Variants in OTOGL observed in about 807,000 individuals in gnomAD.
OTOGL encodes the protein otogelin-like protein.
OTOGL carries 285 observed loss-of-function variants against 318.5 expected under a neutral mutation model. The ratio of observed to expected loss-of-function variants is 0.89; its 90% CI spans 0.81 to 0.99. The LOEUF is 0.99. Among genes scored for constraint, OTOGL ranks in the 50% least tolerant of loss-of-function variants. The pLI is 0.00. For synonymous variants in OTOGL, 987 were observed against 936.5 expected, an observed-to-expected ratio of 1.05 and a Z score of -0.99; for missense variants, 2,899 against 2,845.6, an observed-to-expected ratio of 1.02 and a Z score of -0.43.
Position 80,255,166 on chromosome 12 carries a change from A to G in OTOGL, c.1568A>G (p.Gln523Arg). ...TGKDKFTITL[Q>R]KAPCEQNLGL... ...AAAGATAAATTCACGATTACTTTAC[A>G]GAAAGCTCCCTGTGAGCAGGTAAGA... The change falls in exon 16 of 59, where the codon CAG becomes CGG. Residue 523 changes from glutamine to arginine, a missense_variant. By Grantham distance (43) the Gln-to-Arg change is conservative (BLOSUM62 1). Transcript: ENST00000547103. 6.6e-7 allele frequency: 1 copy of G among 1,517,360 alleles called. No individual in the cohort carries two copies. Among genetic ancestry groups the G allele is most frequent in the Non-Finnish European group, 8.8e-7 (1 of 1,137,984 alleles). 94.0% of individuals were successfully genotyped at this position (1,517,360 alleles called of 1,614,324 possible). A position where few individuals can be genotyped will look rare whatever the true frequency, so the allele number is the denominator to read the frequency against.
chr12:80,280,230 C>A (rs545027722), intron 26 of OTOGL, among the ~76,000 whole-genome samples: 76 of 151,704 alleles, frequency 5.0e-4, no homozygotes, highest in African/African-American at 1.8e-3. Context: ...CAAATATTTT[C>A]TCCCATTCTG....
chr12:80,358,710 G>T lies in OTOGL; in HGVS notation c.6161G>T (p.Cys2054Phe), dbSNP rs962629988. 2 of 1,613,162 alleles carry T rather than the reference G, an allele frequency of 1.2e-6. No homozygotes were observed. Among genetic ancestry groups the T allele is most frequent in the Non-Finnish European group, 1.7e-6 (2 of 1,179,428 alleles). The change falls in exon 51 of 59, where the codon TGT becomes TTT. Residue 2054 changes from cysteine (C) to phenylalanine (F), a missense_variant. Physicochemically the swap from Cys to Phe is radical, Grantham distance 205. Around this residue, in one of 3 missense-constraint regions of OTOGL, gnomAD observed 2,607 missense variants for 2,524.9 expected, o/e 1.03. Coordinates refer to ENST00000547103, the MANE Select transcript of OTOGL (RefSeq NM_001378609.3). ...CTTTGTCCTATGCCATTACTCAACT[G>T]TGCAGAAGATATGAATCTTGTGAAA... is the stretch of plus-strand genomic sequence containing the variant. The part of the protein sequence containing the change: ...PNLCPMPLLN[C>F]AEDMNLVKEN...
At chr12:80,179,267 C>T (rs780455145) in intron 1 of OTOGL, among the ~76,000 whole-genome samples, 71 of 152,112 alleles carry the variant, frequency 4.7e-4, no homozygotes, top group Non-Finnish European at 9.3e-4. Context: ...AGCAGACAAA[C>T]ATTAGAAATA....
chr12:80,371,372 T>A (rs1183164927), intron 56 of OTOGL, among the ~76,000 whole-genome samples: 1 of 152,096 alleles, frequency 6.6e-6, no homozygotes, highest in African/African-American at 2.4e-5. Context: ...TTTTCAATGA[T>A]GACGGCTGGC....
At chr12:80,153,136 A>G (rs937683094) in intron 1 of OTOGL, among the ~76,000 whole-genome samples, 1 of 152,236 alleles carries the variant, frequency 6.6e-6, no homozygotes, top group African/African-American at 2.4e-5. Flanking sequence ...GCAAAGTCCT[A>G]TAGTACGGCC....
At chr12:80,289,983 A>G (rs534546636) in intron 26 of OTOGL, among the ~76,000 whole-genome samples, 4 of 152,248 alleles carry the variant, frequency 2.6e-5, no homozygotes, top group South Asian at 2.1e-4. Flanking sequence ...AGTCTGCCCA[A>G]ACAGCTGCCC....
chr12:80,162,825 T>C lies in OTOGL; in HGVS notation c.-19-46588T>C, dbSNP rs1050767197. ...GGCGTAGAACTCCAATATGGGTTTT[T>C]TCTTGTGGGGGGTGGGGTGGACACA... On this transcript the variant is annotated intron_variant, in intron 1 of 58. Coordinates refer to ENST00000547103, the MANE Select transcript of OTOGL (RefSeq NM_001378609.3). 2.0e-5 allele frequency among the ~76,000 whole-genome samples: 3 copies of C among 152,076 alleles called. No homozygotes were observed. The South Asian group carries it at 6.2e-4, about 31-fold the overall frequency.
At position 80,246,048 on chromosome 12, in the gene OTOGL, TA is replaced by T. The variant is rs1357828610; in HGVS notation, c.1053-5643del. 6.0e-3 allele frequency among the ~76,000 whole-genome samples: 906 copies of T among 151,298 alleles called. 30 individuals carry two copies. The highest frequency in any genetic ancestry group is 1.4e-3 in the Non-Finnish European group (95 of 67,954). ...ACTTTGCTGAAGTTGCTTACCAGCT[TA>T]AGGAGATTTTGGGCTGAGACAATGG... On this transcript the variant is annotated intron_variant, in intron 11 of 58. Coordinates refer to ENST00000547103, the MANE Select transcript of OTOGL (RefSeq NM_001378609.3).
intron 45 of OTOGL, among the ~76,000 whole-genome samples, chr12:80,352,917 A>G (rs2138004555): frequency 6.6e-6 from 1 of 152,254 alleles, no homozygotes; most frequent in Non-Finnish European, 1.5e-5. Context: ...TAAATATACA[A>G]CATTTTTCTT....
intron 16 of OTOGL, among the ~76,000 whole-genome samples, chr12:80,255,852 GT>G (rs962303554): frequency 8.0e-5 from 12 of 150,812 alleles, no homozygotes; most frequent in Admixed American, 6.0e-4. Flanking sequence ...TGCTTTATTT[GT>G]TTTTTTTCCA....
Position 80,358,768 on chromosome 12 carries a change from G to A in OTOGL, c.6219G>A (p.Trp2073Ter), listed in dbSNP as rs1234609629. The change falls in exon 51 of 59, where the codon TGG becomes TGA. Residue 2073 changes from tryptophan (W) to a stop codon, truncating the protein, a stop_gained. Transcript: ENST00000547103. LOFTEE classifies it high-confidence loss of function. ...ENVSGQCCPT[W>*]HCECNCENLI... ...TATCTGGTCAATGTTGCCCAACATG[G>A]CACTGTGGTAACTAATTTTCATATT... The A allele has an allele frequency of 1.3e-5, 21 of 1,603,986 alleles. No homozygotes were observed. The highest frequency in any genetic ancestry group is 1.7e-5 in the Admixed American group (1 of 59,868).
intron 1 of OTOGL, among the ~76,000 whole-genome samples, chr12:80,175,105 C>G (rs987133330): frequency 1.3e-5 from 2 of 152,108 alleles, no homozygotes; most frequent in African/African-American, 4.8e-5. Flanking sequence ...CAGTTTTCCA[C>G]AGAGACACAG....
chr12:80,367,497 C>T, intron 53 of OTOGL, 64 bp from the exon 54 acceptor site: 2 of 1,237,572 alleles, frequency 1.6e-6, no homozygotes, highest in South Asian at 1.7e-5. Flanking sequence ...ATATAAGTTC[C>T]AACGATGGAT....
At chr12:80,361,941 T>C (rs1160061872) in intron 52 of OTOGL, among the ~76,000 whole-genome samples, 3 of 152,222 alleles carry the variant, frequency 2.0e-5, no homozygotes, top group Non-Finnish European at 4.4e-5. Context: ...GTCTCTTCAC[T>C]CTGTTGATTG....
chr12:80,203,939 A>G (rs1309575341), intron 1 of OTOGL, among the ~76,000 whole-genome samples: 1 of 152,232 alleles, frequency 6.6e-6, no homozygotes, highest in Non-Finnish European at 1.5e-5. Context: ...AAGTTTAAGA[A>G]TCACCTCTGC....
At chr12:80,376,238 C>T (rs1228604931) in intron 57 of OTOGL, among the ~76,000 whole-genome samples, 1 of 151,940 alleles carries the variant, frequency 6.6e-6, no homozygotes, top group Non-Finnish European at 1.5e-5. Flanking sequence ...AGCAGAGTAG[C>T]TTAATCTTTA....
At chr12:80,273,878 T>C (rs149529905) in intron 24 of OTOGL, among the ~76,000 whole-genome samples, 313 of 152,212 alleles carry the variant, frequency 2.1e-3, no homozygotes, top group African/African-American at 7.2e-3. Context: ...ATATCTGTTA[T>C]GGTAATCTGT....
At chr12:80,244,861 A>G (rs1179053364) in intron 11 of OTOGL, among the ~76,000 whole-genome samples, 1 of 144,294 alleles carries the variant, frequency 6.9e-6, no homozygotes, top group Non-Finnish European at 1.5e-5. Flanking sequence ...TTGCCATTCT[A>G]ACTGGTGTGA....
At chr12:80,187,537 G>A (rs1446692805) in intron 1 of OTOGL, among the ~76,000 whole-genome samples, 1 of 152,066 alleles carries the variant, frequency 6.6e-6, no homozygotes, top group African/African-American at 2.4e-5. Flanking sequence ...AATATTCTGG[G>A]GTTGTTAATT....
Sources: allele counts gnomAD v4.1 joint callset (sites outside exome capture counted in the v4.1 genomes callset), GRCh38; gene constraint gnomAD v4.1.1; regional missense constraint gnomAD v4.1.1; transcripts MANE v1.5; gene names NCBI Gene and HGNC (gene_info 2026-07-23, HGNC 2026-07-21).